The following ITPR2 variants were observed in gnomAD, a reference collection of about 807,000 sequenced individuals.
ITPR2 encodes inositol 1,4,5-trisphosphate receptor type 2, also known as inositol 1,4,5-trisphosphate-gated calcium channel ITPR2.
A neutral mutation model predicts 317.1 loss-of-function variants in ITPR2; 207 were observed. The observed-to-expected ratio is 0.65, with a 90% CI of 0.58 to 0.73. The LOEUF (loss-of-function observed/expected upper bound fraction) is 0.73. Ranked by LOEUF, ITPR2 falls within the 30% of genes least tolerant of loss-of-function variation. ITPR2 has a pLI of 0.00. For synonymous variants in ITPR2, 1,156 were observed against 1,149.1 expected, an observed-to-expected ratio of 1.01 and a Z score of -0.12; for missense variants, 2,613 against 3,284.0, an observed-to-expected ratio of 0.80 and a Z score of 4.99.
chr12:26,495,113 T>C (rs758457865), intron 38 of ITPR2, 39 bp downstream of exon 38: 2 of 1,035,058 alleles, frequency 1.9e-6, no homozygotes, highest in Non-Finnish European at 3.1e-6. Context: ...AGATGTATCA[T>C]GAGAATCCTA....
chr12:26,442,476 G>A (rs1256464317), intron 46 of ITPR2, among the ~76,000 whole-genome samples: 4 of 151,994 alleles, frequency 2.6e-5, no homozygotes, highest in Non-Finnish European at 4.4e-5. Context: ...TCTCTCACCC[G>A]CATTAACCAA....
chr12:26,549,450 A>G (rs1944470256), intron 37 of ITPR2, among the ~76,000 whole-genome samples: 1 of 152,178 alleles, frequency 6.6e-6, no homozygotes, highest in Admixed American at 6.5e-5. Flanking sequence ...ATATACATAA[A>G]GTAATACATA....
chr12:26,544,410 A>C (rs1944338443), intron 37 of ITPR2, among the ~76,000 whole-genome samples: 1 of 152,184 alleles, frequency 6.6e-6, no homozygotes, highest in Non-Finnish European at 1.5e-5. Flanking sequence ...AAATATCCTT[A>C]ATGTAATTCC....
In ITPR2 at chr12:26,436,221, C is replaced by A; in HGVS notation, c.6769G>T (p.Gly2257Cys). Reference sequence around the variant, plus strand: ...ATTTTAAGGAAAAACGAGCACTTGCCTTCATCTCCATCATCCCCAAATGGG... The same window carrying A: ...ATTTTAAGGAAAAACGAGCACTTGCATTCATCTCCATCATCCCCAAATGGG... Reference protein sequence around the residue: ...FYPFGDDGDEGTLSPLFSVLL... With the variant: ...FYPFGDDGDECTLSPLFSVLL... Residue 2257 changes from glycine (G) to cysteine (C), a missense_variant and splice_region_variant, in exon 48 of 57, where the codon GGT (glycine) becomes TGT (cysteine). Coordinates refer to ENST00000381340, the MANE Select transcript of ITPR2 (RefSeq NM_002223.4). 1.3e-6 allele frequency: 2 copies of A among 1,586,318 alleles called. No individual in the cohort carries two copies. Among genetic ancestry groups the A allele is most frequent in the Non-Finnish European group, 1.7e-6 (2 of 1,170,986 alleles).
chr12:26,592,711 C>T (rs1410820843), intron 32 of ITPR2, among the ~76,000 whole-genome samples: 1 of 152,204 alleles, frequency 6.6e-6, no homozygotes, highest in African/African-American at 2.4e-5. Context: ...TTCCTTTCCT[C>T]CAGATTACCT....
chr12:26,832,659 G>A (rs1180919442), intron 1 of ITPR2, 31 bp downstream of exon 1: 7 of 1,530,418 alleles, frequency 4.6e-6, no homozygotes, highest in Non-Finnish European at 5.4e-6. Flanking sequence ...CCCGGAGCGC[G>A]AGCGCTGCCC....
intron 2 of ITPR2, 187 bp from the exon 3 acceptor site, chr12:26,725,952 C>T (rs1948913462): frequency 2.2e-6 from 1 of 464,504 alleles, no homozygotes; most frequent in Non-Finnish European, 3.8e-6. Flanking sequence ...TATCTAGACT[C>T]AGTTAAAATA....
At chr12:26,491,211 T>C (rs10771288) in intron 39 of ITPR2, among the ~76,000 whole-genome samples, 124,730 of 151,806 alleles carry the variant, frequency 0.82, 52,317 homozygotes, top group Non-Finnish European at 0.91. Flanking sequence ...TGGCTGGGTG[T>C]GGTGGCTCAC....
At chr12:26,639,059 A>T (rs1479782722) in intron 21 of ITPR2, among the ~76,000 whole-genome samples, 2 of 152,200 alleles carry the variant, frequency 1.3e-5, no homozygotes, top group East Asian at 3.8e-4. Flanking sequence ...CTTCTGTGCC[A>T]GTCAAATCAG....
At position 26,415,481 on chromosome 12, in the gene ITPR2, G is replaced by C; in HGVS notation, c.7128C>G (p.Tyr2376Ter). ...TGACATTCAGCAAAGTCTCTTCCCT[G>C]TACACCAAATCAAAAAGCTACAAAG... is the stretch of plus-strand genomic sequence containing the variant. ...FYSFLLFDLV[Y>*]REETLLNVIK... is the part of the protein sequence containing the mutation. The change falls in exon 51 of 57, where the codon TAC (tyrosine) becomes TAG (stop). Residue 2376 changes from tyrosine to a stop codon, truncating the protein, a stop_gained. Transcript: ENST00000381340. LOFTEE classifies it high-confidence loss of function. 4 of 1,565,492 alleles carry C rather than the reference G, an allele frequency of 2.6e-6. No homozygotes were observed. Among genetic ancestry groups the C allele is most frequent in the Non-Finnish European group, 3.4e-6 (4 of 1,159,552 alleles).
chr12:26,807,956 C>G (rs543682663), intron 1 of ITPR2, among the ~76,000 whole-genome samples: 1 of 152,332 alleles, frequency 6.6e-6, no homozygotes, highest in South Asian at 2.1e-4. Context: ...ACTAAGCTGG[C>G]TTCTTTCTCT....
At chr12:26,472,983 T>C (rs1216660562) in intron 45 of ITPR2, among the ~76,000 whole-genome samples, 1 of 152,062 alleles carries the variant, frequency 6.6e-6, no homozygotes, top group Non-Finnish European at 1.5e-5. Context: ...ACCTTCCAGG[T>C]TCAAGTGATT....
At chr12:26,403,876 A>G (rs1420021861) in intron 52 of ITPR2, among the ~76,000 whole-genome samples, 2 of 152,192 alleles carry the variant, frequency 1.3e-5, no homozygotes, top group Non-Finnish European at 2.9e-5. Context: ...ACCAGTAAGT[A>G]TGGGTGAGAG....
At chr12:26,457,088 C>G (rs1271470273) in intron 45 of ITPR2, among the ~76,000 whole-genome samples, 4 of 152,184 alleles carry the variant, frequency 2.6e-5, no homozygotes, top group Non-Finnish European at 4.4e-5. Flanking sequence ...CTAGAGCTGA[C>G]TTTCTGTTGG....
chr12:26,785,303 T>G (rs1292069611), intron 2 of ITPR2, among the ~76,000 whole-genome samples: 38 of 20,646 alleles, frequency 1.8e-3, no homozygotes, highest in Admixed American at 6.9e-3. Flanking sequence ...AGGGAGGTGG[T>G]GGGGGTCAGC....
intron 26 of ITPR2, among the ~76,000 whole-genome samples, chr12:26,618,234 A>G (rs1261557940): frequency 2.0e-5 from 3 of 152,140 alleles, no homozygotes; most frequent in Non-Finnish European, 4.4e-5. Context: ...GTACTTGAAA[A>G]TACTACAAAC....
chr12:26,527,709 C>A (rs1372493712), intron 37 of ITPR2, among the ~76,000 whole-genome samples: 1 of 152,140 alleles, frequency 6.6e-6, no homozygotes, highest in African/African-American at 2.4e-5. Context: ...TGTGGGAAAA[C>A]AAGTTGAGAC....
chr12:26,349,358 C>G (rs745575264), intron 55 of ITPR2, among the ~76,000 whole-genome samples: 2 of 152,324 alleles, frequency 1.3e-5, no homozygotes, highest in Admixed American at 1.3e-4. Context: ...CTGTCTGGAT[C>G]TCCCTGGATC....
chr12:26,482,055 T>C (rs1565551526), intron 42 of ITPR2, among the ~76,000 whole-genome samples: 1 of 152,202 alleles, frequency 6.6e-6, no homozygotes, highest in Non-Finnish European at 1.5e-5. Flanking sequence ...ACTGAAATCC[T>C]GGTGAGTTAA....
Sources: gnomAD v4.1 joint callset for allele counts (sites outside exome capture counted in the v4.1 genomes callset) on GRCh38, gnomAD v4.1.1 for gene constraint, MANE v1.5 for transcripts, NCBI Gene and HGNC (gene_info 2026-07-23, HGNC 2026-07-21) for gene names.